SCN10A: variants seen among roughly 807,000 people sequenced by gnomAD.
The protein encoded by SCN10A is sodium channel protein type 10 subunit alpha.
SCN10A carries 162 observed loss-of-function variants against 170.7 expected under a neutral mutation model. The observed-to-expected ratio is 0.95, with a 90% CI of 0.84 to 1.08. SCN10A has a LOEUF of 1.08. Ranked by LOEUF, SCN10A falls within the 50% of genes least tolerant of loss-of-function variation. The probability of loss-of-function intolerance (pLI) is 0.00; values close to 1 mark genes in which losing one functional copy is unlikely to be tolerated. For synonymous variants in SCN10A, 985 were observed against 904.6 expected (o/e 1.09, Z -1.59); for missense variants, 2,527 against 2,436.9 (o/e 1.04, Z -0.78).
intron 26 of SCN10A, among the ~76,000 whole-genome samples, chr3:38,704,537 A>G (rs2063189811): frequency 6.6e-6 from 1 of 152,218 alleles, no homozygotes; most frequent in African/African-American, 2.4e-5. Context: ...TGGTGCTCTC[A>G]GAGACGATGA....
At chr3:38,772,070 A>G (rs1559456640) in intron 4 of SCN10A, among the ~76,000 whole-genome samples, 1 of 152,206 alleles carries the variant, frequency 6.6e-6, no homozygotes, top group Non-Finnish European at 1.5e-5. Context: ...AATGGATTGG[A>G]TGCTCATTTT....
Position 38,752,355 on chromosome 3 carries a change from C to T in SCN10A, c.1619G>A (p.Gly540Asp), listed in dbSNP as rs1205372971. Residue 540 changes from glycine (G) to aspartate (D), a missense_variant, in exon 12 of 28, where the codon GGT becomes GAT. By Grantham distance (94) the Gly-to-Asp change is moderately conservative. Coordinates refer to ENST00000449082, the MANE Select transcript of SCN10A (RefSeq NM_006514.4). ...GGGGCCTTGCTGGCCAGCACCCCCA[C>T]CCAGCAGCAGAGAGCCCCGATGGCT... ...HESHRGSLLL[G>D]GGAGQQGPLP... The T allele has an allele frequency of 1.9e-6, 3 of 1,613,778 alleles. No homozygotes were observed. The East Asian group carries it at 6.7e-5, about 36-fold the overall frequency.
chr3:38,738,905 G>A (rs977869407), intron 15 of SCN10A, among the ~76,000 whole-genome samples: 1 of 152,172 alleles, frequency 6.6e-6, no homozygotes, highest in Non-Finnish European at 1.5e-5. Flanking sequence ...TAATAGGCAG[G>A]TTGAAGGTGC....
Position 38,742,464 on chromosome 3 carries a change from A to G in SCN10A, c.1933T>C (p.Trp645Arg). The part of the protein sequence containing the change: ...LTSLSQKYLI[W>R]DCCPMWVKLK... ...TTCACCCACATGGGGCAGCAATCCC[A>G]GATCAGATACTTCTGAGACAAGCTG... is the stretch of plus-strand genomic sequence containing the variant. Residue 645 changes from tryptophan to arginine, a missense_variant, in exon 14 of 28, where the codon TGG (tryptophan) becomes CGG (arginine). Trp to Arg is a moderately radical substitution (Grantham distance 101). Coordinates refer to ENST00000449082, the MANE Select transcript of SCN10A (RefSeq NM_006514.4). 2.5e-6 allele frequency: 4 copies of G among 1,614,224 alleles called. No individual in the cohort carries two copies. Among genetic ancestry groups the G allele is most frequent in the Non-Finnish European group, 3.4e-6 (4 of 1,180,042 alleles).
intron 22 of SCN10A, among the ~76,000 whole-genome samples, chr3:38,713,087 T>C (rs1052803334): frequency 6.6e-6 from 1 of 152,326 alleles, no homozygotes; most frequent in African/African-American, 2.4e-5. Flanking sequence ...TTTGTAATTA[T>C]GAGGAAGAGG....
At chr3:38,753,344 T>C (rs1208877802) in intron 11 of SCN10A, among the ~76,000 whole-genome samples, 4 of 152,138 alleles carry the variant, frequency 2.6e-5, no homozygotes, top group Non-Finnish European at 4.4e-5. Context: ...CCTCAGGTGG[T>C]CTATAGTATG....
At chr3:38,711,037 C>T in intron 23 of SCN10A, 140 bp from the exon 24 acceptor site, 1 of 668,906 alleles carries the variant, frequency 1.5e-6, no homozygotes, top group Non-Finnish European at 2.6e-6. Context: ...AGGAAAAGTT[C>T]CCTTGGGTTA....
intron 14 of SCN10A, 69 bp downstream of exon 14, chr3:38,742,222 T>A: frequency 3.3e-4 from 253 of 767,678 alleles, no homozygotes; most frequent in Non-Finnish European, 4.1e-4. Context: ...CCACCCGAAC[T>A]GCACCCTGCC....
chr3:38,788,216 C>CAAATAA (rs2064232782), intron 4 of SCN10A, among the ~76,000 whole-genome samples: 1 of 97,844 alleles, frequency 1.0e-5, no homozygotes, highest in Non-Finnish European at 2.0e-5. Context: ...TTATGATTAG[C>CAAATAA]AAAAAAAAAA....
intron 15 of SCN10A, among the ~76,000 whole-genome samples, chr3:38,733,004 G>A (rs1416153426): frequency 6.6e-6 from 1 of 152,194 alleles, no homozygotes; most frequent in Non-Finnish European, 1.5e-5. Flanking sequence ...AAAGCTTGTA[G>A]TAATGGTGTA....
chr3:38,787,973 A>G (rs898605375), intron 4 of SCN10A, among the ~76,000 whole-genome samples: 5 of 152,006 alleles, frequency 3.3e-5, no homozygotes, highest in Non-Finnish European at 5.9e-5. Flanking sequence ...AGCTTCATCC[A>G]TGTCCCTGCA....
At position 38,802,376 on chromosome 3, in the gene SCN10A, C is replaced by T. The variant is rs976717043; in HGVS notation, c.-32-8334G>A. Among the ~76,000 whole-genome samples, 27 of 152,200 alleles carry T rather than the reference C, an allele frequency of 1.8e-4. 2 individuals are homozygous for T. Among genetic ancestry groups the T allele is most frequent in the Admixed American group, 1.0e-3 (16 of 15,268 alleles). ...TGCATTCCAAATTCTTGTATTCAGC[C>T]GTCTATTCATCACCTTCCACCCAGA... On this transcript the variant is annotated intron_variant, in intron 1 of 27. Transcript: ENST00000449082.
chr3:38,791,945 A>G, intron 3 of SCN10A, 105 bp downstream of exon 3: 1 of 1,432,640 alleles, frequency 7.0e-7, no homozygotes, highest in Non-Finnish European at 9.4e-7. Context: ...TACTTTTGGG[A>G]TTCAATTGGA....
chr3:38,806,974 G>A (rs4130708), intron 1 of SCN10A, among the ~76,000 whole-genome samples: 2,648 of 152,190 alleles, frequency 0.017, 59 homozygotes, highest in African/African-American at 0.056. Flanking sequence ...ACAAGAAGCC[G>A]TGTTCCTTTC....
intron 25 of SCN10A, among the ~76,000 whole-genome samples, chr3:38,708,898 C>A (rs987634913): frequency 1.3e-5 from 2 of 152,222 alleles, no homozygotes; most frequent in African/African-American, 4.8e-5. Context: ...CAGCGCCTAT[C>A]TACCTCAGGG....
In SCN10A at chr3:38,712,249, A is replaced by G. The variant is rs2063282485; in HGVS notation, c.4001T>C (p.Ile1334Thr). ...SIVNNKSDCK[I>T]QNSTGSFFWV... ...GAAGAAGCTGCCAGTGGAGTTTTGA[A>G]TCTTGCAGTCAGACTTGTTATTCAC... The change falls in exon 23 of 28, where the codon ATT becomes ACT. Residue 1334 changes from isoleucine to threonine, a missense_variant. Physicochemically the swap from Ile to Thr is moderately conservative, Grantham distance 89 (BLOSUM62 -1). Transcript: ENST00000449082. 1 of 1,614,220 alleles carries G rather than the reference A, an allele frequency of 6.2e-7. No individual in the cohort carries two copies. Among genetic ancestry groups the G allele is most frequent in the Non-Finnish European group, 8.5e-7 (1 of 1,180,026 alleles).
In SCN10A at chr3:38,795,383, C is replaced by T. The variant is rs137972593; in HGVS notation, c.-32-1341G>A. Among the ~76,000 whole-genome samples the T allele has an allele frequency of 3.5e-3, 516 of 149,368 alleles. 3 individuals carry two copies. Among genetic ancestry groups the T allele is most frequent in the Middle Eastern group, 0.017 (5 of 292 alleles). ...TTTGAGACAGGGTATCACTGTCACC[C>T]GGACTAGAGTGCAGTGGTGCAATCT... is the stretch of plus-strand genomic sequence containing the variant. On this transcript the variant is annotated intron_variant, in intron 1 of 27. Transcript: ENST00000449082.
chr3:38,798,346 G>C (rs1449494440), intron 1 of SCN10A, among the ~76,000 whole-genome samples: 1 of 152,124 alleles, frequency 6.6e-6, no homozygotes, highest in Non-Finnish European at 1.5e-5. Context: ...AAAGCCCTGG[G>C]CAGACAGAGG....
Position 38,722,368 on chromosome 3 carries a change from T to A in SCN10A, c.3397A>T (p.Ser1133Cys). The change falls in exon 20 of 28, where the codon AGT becomes TGT. Residue 1133 changes from serine to cysteine, a missense_variant. Physicochemically the swap from Ser to Cys is moderately radical, Grantham distance 112. Transcript: ENST00000449082. ...CPCCKLDTTKSPWDVGWQVRK... is the reference protein window; with the variant it reads ...CPCCKLDTTKCPWDVGWQVRK... ...ACCTGCCAGCCCACATCCCATGGACTCTTGGTGGTATCCAGTTTGCAGCAG... is the reference window on the plus strand; with the variant it reads ...ACCTGCCAGCCCACATCCCATGGACACTTGGTGGTATCCAGTTTGCAGCAG... 3.1e-6 allele frequency: 5 copies of A among 1,614,096 alleles called. No homozygotes were observed. Among genetic ancestry groups the A allele is most frequent in the Non-Finnish European group, 4.2e-6 (5 of 1,180,000 alleles).
Sources: allele counts gnomAD v4.1 joint callset (sites outside exome capture counted in the v4.1 genomes callset), GRCh38; gene constraint gnomAD v4.1.1; transcripts MANE v1.5; gene names NCBI Gene and HGNC (gene_info 2026-07-23, HGNC 2026-07-21).